UXS1: variants seen among roughly 807,000 people sequenced by gnomAD.
The protein encoded by UXS1 is UDP-glucuronate decarboxylase 1, also known as UDP-glucuronic acid decarboxylase 1.
In UXS1, 33 loss-of-function variants were observed where a neutral mutation model predicts 62.6. The observed-to-expected ratio is 0.53, with a 90% confidence interval of 0.40 to 0.70. The LOEUF (loss-of-function observed/expected upper bound fraction) is 0.70. Among genes scored for constraint, UXS1 ranks in the 30% least tolerant of loss-of-function variants. The pLI is 0.00. For synonymous variants in UXS1, 213 were observed against 206.8 expected (o/e 1.03, Z -0.26); for missense variants, 434 against 556.3 (o/e 0.78, Z 2.21).
At chr2:106,111,344 A>G (rs1678591117) in intron 10 of UXS1, among the ~76,000 whole-genome samples, 1 of 152,162 alleles carries the variant, frequency 6.6e-6, no homozygotes, top group Admixed American at 6.5e-5. Flanking sequence ...GGGAGGTGGG[A>G]GAGCTGGCAT....
intron 10 of UXS1, among the ~76,000 whole-genome samples, chr2:106,105,125 C>A (rs143531153): frequency 5.9e-5 from 9 of 152,282 alleles, no homozygotes; most frequent in African/African-American, 2.2e-4. Context: ...TACGATGTGT[C>A]AGGCATCATG....
intron 4 of UXS1, among the ~76,000 whole-genome samples, chr2:106,161,462 C>T (rs935194528): frequency 1.3e-5 from 2 of 151,978 alleles, no homozygotes; most frequent in Middle Eastern, 6.8e-3. Context: ...TCCACTTATT[C>T]AGGAACTTTC....
chr2:106,175,075 G>A (rs940430747), intron 1 of UXS1, among the ~76,000 whole-genome samples: 3 of 152,222 alleles, frequency 2.0e-5, no homozygotes, highest in African/African-American at 7.2e-5. Flanking sequence ...CAGTGGGGCA[G>A]CGAAGCCTCC....
rs1676844802 is a variant in UXS1, at chr2:106,093,666, G to A, written c.*360C>T. Reference sequence around the variant, plus strand: ...GTACCCACTTTCATAAATAAAATCGGCATTTTTTGTCCCGCTTAATGTTCC... The same window carrying A: ...GTACCCACTTTCATAAATAAAATCGACATTTTTTGTCCCGCTTAATGTTCC... On this transcript the variant is annotated 3_prime_UTR_variant, in exon 15 of 15. Transcript: ENST00000283148. 5.5e-6 allele frequency: 1 copy of A among 182,472 alleles called. No individual in the cohort carries two copies. The allele number at this position is 182,472 out of a possible 1,614,324, so 11.3% of individuals were successfully genotyped here.
rs56197411 is a variant in UXS1 at position 106,104,799 on chromosome 2, G to A, written c.918C>T (p.Tyr306=). 9,937 of 1,613,976 alleles carry A rather than the reference G, an allele frequency of 6.2e-3. 41 individuals are homozygous for A. Among genetic ancestry groups the A allele is most frequent in the Non-Finnish European group, 7.0e-3 (8,249 of 1,179,898 alleles). Residue 306 remains tyrosine (Y), a synonymous_variant, in exon 11 of 15, where the codon TAC becomes TAT. Transcript: ENST00000283148. The stretch of plus-strand genomic sequence containing the variant: ...GCAGGGCAGGACAGTCTTACCTGAC[G>A]TACTGGAACGCCCTTGTCTGAGACC... ...GSGSQTRAFQ[Y]VSDLVNGLVA... is the part of the protein sequence containing the mutation.
At position 106,093,672 on chromosome 2, in the gene UXS1, T is replaced by G. The variant is rs1324764072; in HGVS notation, c.*354A>C. 1 of 189,004 alleles carries G rather than the reference T, an allele frequency of 5.3e-6. No individual in the cohort carries two copies. Among genetic ancestry groups the G allele is most frequent in the Non-Finnish European group, 1.1e-5 (1 of 92,916 alleles). 11.7% of individuals were successfully genotyped at this position (189,004 alleles called of 1,614,324 possible). A position where few individuals can be genotyped will look rare whatever the true frequency, so the allele number is the denominator to read the frequency against. On this transcript the variant is annotated 3_prime_UTR_variant, in exon 15 of 15. Transcript: ENST00000283148. ...ACTTTCATAAATAAAATCGGCATTT[T>G]TTGTCCCGCTTAATGTTCCTTTTCA...
intron 1 of UXS1, among the ~76,000 whole-genome samples, chr2:106,192,508 C>T (rs1684995510): frequency 6.6e-6 from 1 of 150,822 alleles, no homozygotes; most frequent in African/African-American, 2.4e-5. Flanking sequence ...GAGCCGAGAT[C>T]GCGCCCCTGC....
chr2:106,104,892 G>T, intron 10 of UXS1, 55 bp from the exon 11 acceptor site: 2 of 1,610,878 alleles, frequency 1.2e-6, no homozygotes, highest in South Asian at 2.2e-5. Context: ...GTCCTGCGTA[G>T]GTGTCCTTGA....
intron 6 of UXS1, among the ~76,000 whole-genome samples, chr2:106,144,316 GGCT>G (rs1455078166): frequency 6.6e-6 from 1 of 152,134 alleles, no homozygotes; most frequent in Non-Finnish European, 1.5e-5. Flanking sequence ...TTAACACCAT[GGCT>G]GCTTTCTAAA....
chr2:106,163,493 T>C (rs905351473), intron 4 of UXS1, among the ~76,000 whole-genome samples, 174 bp downstream of exon 4: 2 of 152,186 alleles, frequency 1.3e-5, no homozygotes, highest in African/African-American at 4.8e-5. Flanking sequence ...TCTTAACACA[T>C]CTAGATTGAT....
At chr2:106,101,917 C>A (rs924244257) in intron 11 of UXS1, 3 of 152,218 alleles carry the variant, frequency 2.0e-5, no homozygotes, top group Non-Finnish European at 4.4e-5. Context: ...CGCCAATTTT[C>A]CATGAGCTAC....
At chr2:106,094,905 A>G (rs1282446981) in intron 14 of UXS1, among the ~76,000 whole-genome samples, 1 of 152,266 alleles carries the variant, frequency 6.6e-6, no homozygotes, top group African/African-American at 2.4e-5. Context: ...AAACTTATCA[A>G]ATTGTATCTT....
intron 8 of UXS1, 51 bp from the exon 9 acceptor site, chr2:106,123,142 A>G: frequency 5.6e-6 from 9 of 1,608,826 alleles, no homozygotes; most frequent in Non-Finnish European, 6.8e-6. Flanking sequence ...TTTCCAGTTC[A>G]TATCAATAAT....
At chr2:106,112,800 C>T in intron 9 of UXS1, 35 bp from the exon 10 acceptor site, 1 of 1,603,240 alleles carries the variant, frequency 6.2e-7, no homozygotes, top group South Asian at 1.1e-5. Context: ...AGGTGTGCTC[C>T]CCTGTGTGGT....
At chr2:106,138,522 T>C in intron 6 of UXS1, 1 of 985,364 alleles carries the variant, frequency 1.0e-6, no homozygotes, top group Admixed American at 6.1e-5. Flanking sequence ...CTGGAAACCT[T>C]CCATTTACAA....
intron 4 of UXS1, among the ~76,000 whole-genome samples, chr2:106,162,855 T>C (rs1182744301): frequency 6.6e-6 from 1 of 152,194 alleles, no homozygotes; most frequent in Non-Finnish European, 1.5e-5. Context: ...TTAATGAAAA[T>C]CAAAGGAAAA....
intron 10 of UXS1, among the ~76,000 whole-genome samples, chr2:106,108,135 G>A (rs1558682257): frequency 6.6e-6 from 1 of 152,194 alleles, no homozygotes; most frequent in African/African-American, 2.4e-5. Context: ...AGTCCTGCTG[G>A]ATTTCAGTTT....
Position 106,093,944 on chromosome 2 carries a change from T to C in UXS1, c.*82A>G. The C allele has an allele frequency of 6.8e-7, 1 of 1,460,548 alleles. No homozygotes were observed. The highest frequency in any genetic ancestry group is 9.0e-7 in the Non-Finnish European group (1 of 1,107,810). The allele number at this position is 1,460,548 out of a possible 1,614,324, so 90.5% of individuals were successfully genotyped here. On this transcript the variant is annotated 3_prime_UTR_variant, in exon 15 of 15. Transcript: ENST00000283148. ...TCTTCATGACACCTGTTAAAGTCTT[T>C]CTTTAAACGACAACAAAAAAAAGCC... is the stretch of plus-strand genomic sequence containing the variant.
chr2:106,183,061 G>A (rs1684342839), intron 1 of UXS1, among the ~76,000 whole-genome samples: 1 of 152,010 alleles, frequency 6.6e-6, no homozygotes, highest in South Asian at 2.1e-4. Flanking sequence ...GTTTTGCTGA[G>A]AAGCCCTGTT....
Sources: allele counts gnomAD v4.1 joint callset (sites outside exome capture counted in the v4.1 genomes callset), GRCh38; gene constraint gnomAD v4.1.1; transcripts MANE v1.5; gene names NCBI Gene and HGNC (gene_info 2026-07-23, HGNC 2026-07-21).